The following ANKRD36C variants were observed in gnomAD, a reference collection of about 807,000 sequenced individuals.
ANKRD36C encodes the protein ankyrin repeat domain-containing protein 36C.
In ANKRD36C, 61 loss-of-function variants were observed where a neutral mutation model predicts 276.4. That is an observed-to-expected ratio of 0.22 (90% CI 0.18 to 0.27). The LOEUF is 0.27. Ranked by LOEUF, ANKRD36C falls within the 10% of genes least tolerant of loss-of-function variation. ANKRD36C has a pLI of 1.00. For synonymous variants in ANKRD36C, 483 were observed against 680.1 expected (o/e 0.71, Z 4.51); for missense variants, 1,447 against 2,032.3 (o/e 0.71, Z 5.54).
At chr2:95,947,003 C>T (rs1052551040) in intron 17 of ANKRD36C, among the ~76,000 whole-genome samples, 15 of 151,458 alleles carry the variant, frequency 9.9e-5, no homozygotes, top group South Asian at 2.1e-4. Context: ...GCACAATGTG[C>T]ACATGTACCC....
intron 30 of ANKRD36C, among the ~76,000 whole-genome samples, chr2:95,924,421 C>A (rs1677353198): frequency 6.6e-6 from 1 of 151,468 alleles, no homozygotes; most frequent in African/African-American, 2.4e-5. Context: ...TGGCTCCTGG[C>A]ATTAGATATT....
chr2:95,976,019 C>T (rs1678803001), intron 6 of ANKRD36C, among the ~76,000 whole-genome samples: 1 of 152,132 alleles, frequency 6.6e-6, no homozygotes, highest in Non-Finnish European at 1.5e-5. Context: ...CAAAAAAACA[C>T]ATGAAAAAAT....
At chr2:95,923,899 G>T (rs1573771030) in intron 30 of ANKRD36C, among the ~76,000 whole-genome samples, 1 of 151,568 alleles carries the variant, frequency 6.6e-6, no homozygotes, top group East Asian at 1.9e-4. Context: ...GTCAATCATG[G>T]TATGATTTTT....
chr2:95,961,411 G>A (rs192035313), intron 8 of ANKRD36C, among the ~76,000 whole-genome samples: 1 of 151,042 alleles, frequency 6.6e-6, no homozygotes, highest in African/African-American at 2.4e-5. Flanking sequence ...TAAAGTTACT[G>A]TACGCATTAG....
chr2:95,986,048 C>A (rs1177477364), intron 3 of ANKRD36C, among the ~76,000 whole-genome samples: 1 of 152,150 alleles, frequency 6.6e-6, no homozygotes, highest in East Asian at 1.9e-4. Flanking sequence ...CAGAGTCCTA[C>A]CAAAATTGAT....
intron 40 of ANKRD36C, 106 bp downstream of exon 42, chr2:95,914,002 G>T: frequency 8.5e-7 from 1 of 1,177,602 alleles, no homozygotes; most frequent in Non-Finnish European, 1.2e-6. Context: ...CAGGACTGCT[G>T]TATCAGAATG....
At chr2:95,965,956 T>A (rs997537069) in intron 6 of ANKRD36C, among the ~76,000 whole-genome samples, 3 of 152,022 alleles carry the variant, frequency 2.0e-5, no homozygotes, top group East Asian at 1.9e-4. Context: ...TTTTCTTTTT[T>A]AAAAAAAATT....
intron 48 of ANKRD36C, among the ~76,000 whole-genome samples, chr2:95,888,624 G>A (rs1214057817): frequency 6.6e-6 from 1 of 151,694 alleles, no homozygotes; most frequent in East Asian, 1.9e-4. Context: ...TCTCTTCAGT[G>A]GAAGTGTCCT....
At position 95,944,642 on chromosome 2, in the gene ANKRD36C, G is replaced by T. The variant is rs1164337188; in HGVS notation, c.1476C>A (p.Asp492Glu). The T allele has an allele frequency of 2.0e-6, 3 of 1,536,786 alleles. No homozygotes were observed. The African/African-American group carries it at 4.1e-5, about 21-fold the overall frequency. ...CTTCATTTACCTTATCAACATTTTG[G>T]TCTTCAAACAAGGTTCCATTTTCTG... Residue 492 changes from aspartate to glutamate, a missense_variant, in exon 19 of 67, where the codon GAC becomes GAA. This residue lies in a region of ANKRD36C where 28 missense variants were observed against 26.3 expected (regional missense o/e 1.07). Transcript: ENST00000456556.
chr2:95,922,465 TC>T (rs1677298059), intron 32 of ANKRD36C, among the ~76,000 whole-genome samples: 13 of 151,616 alleles, frequency 8.6e-5, no homozygotes, highest in Admixed American at 8.6e-4. Flanking sequence ...CTTCATCCAC[TC>T]ATGGCAACAA....
intron 62 of ANKRD36C, among the ~76,000 whole-genome samples, chr2:95,857,046 C>G (rs1675430697): frequency 5.3e-5 from 8 of 152,042 alleles, no homozygotes; most frequent in Admixed American, 2.0e-4. Flanking sequence ...ATATGCTGAA[C>G]TATGTCACTA....
chr2:95,986,873 C>A (rs1427156144), exon 3 of ANKRD36C: 1 of 1,611,966 alleles, frequency 6.2e-7, no homozygotes, highest in South Asian at 1.1e-5. Context: ...TTTGGATCGG[C>A]GCCATTTTGC....
intron 16 of ANKRD36C, among the ~76,000 whole-genome samples, chr2:95,949,024 C>G (rs113142439): frequency 1.9e-4 from 28 of 150,662 alleles, no homozygotes; most frequent in Admixed American, 3.3e-4. Flanking sequence ...AAGGCACGGT[C>G]TCTTCTCCAT....
chr2:95,991,139 C>G (rs892704287), intron 1 of ANKRD36C, among the ~76,000 whole-genome samples: 4 of 139,290 alleles, frequency 2.9e-5, no homozygotes, highest in African/African-American at 1.1e-4. Flanking sequence ...CACCCCTTTC[C>G]GCCACCCCAT....
At chr2:95,856,928 T>G (rs1675427231) in intron 62 of ANKRD36C, among the ~76,000 whole-genome samples, 1 of 152,116 alleles carries the variant, frequency 6.6e-6, no homozygotes, top group South Asian at 2.1e-4. Flanking sequence ...TCAAGAAAAT[T>G]AAATCTATAA....
chr2:95,858,718 C>A (rs1261598404), intron 61 of ANKRD36C, among the ~76,000 whole-genome samples: 2 of 152,140 alleles, frequency 1.3e-5, no homozygotes, highest in Non-Finnish European at 2.9e-5. Context: ...CTTTATGAAA[C>A]ATATATCAGC....
chr2:95,890,162 A>G (rs1270176131), intron 46 of ANKRD36C, among the ~76,000 whole-genome samples, 168 bp from the exon 67 acceptor site: 1 of 151,532 alleles, frequency 6.6e-6, no homozygotes, highest in African/African-American at 2.4e-5. Flanking sequence ...TACACTGAAA[A>G]AAGGGAATAC....
At chr2:95,919,252 C>G (rs1157229805) in intron 34 of ANKRD36C, among the ~76,000 whole-genome samples, 1 of 133,042 alleles carries the variant, frequency 7.5e-6, no homozygotes, top group African/African-American at 2.5e-5. Context: ...CTCCTTCCTG[C>G]CTGACAATCC....
intron 44 of ANKRD36C, 107 bp from the exon 65 acceptor site, chr2:95,891,967 G>A (rs1430135442): frequency 2.0e-5 from 30 of 1,522,326 alleles, no homozygotes; most frequent in East Asian, 7.4e-5. Flanking sequence ...CTGTATTAGC[G>A]TAGGCTTTGA....
Sources: gnomAD v4.1 joint callset for allele counts (sites outside exome capture counted in the v4.1 genomes callset) on GRCh38, gnomAD v4.1.1 for gene constraint, gnomAD v4.1.1 regional missense constraint, MANE v1.5 for transcripts, NCBI Gene and HGNC (gene_info 2026-07-23, HGNC 2026-07-21) for gene names.